The following NRXN3 variants were observed in gnomAD, a reference collection of about 807,000 sequenced individuals.
NRXN3 encodes the protein neurexin III.
A neutral mutation model predicts 137.6 loss-of-function variants in NRXN3; 32 were observed. The observed-to-expected ratio is 0.23, with a 90% CI of 0.18 to 0.31. The LOEUF is 0.31. Among genes scored for constraint, NRXN3 ranks in the 10% least tolerant of loss-of-function variants. The pLI is 1.00. For synonymous variants in NRXN3, 798 were observed against 784.5 expected (o/e 1.02, Z -0.29); for missense variants, 1,574 against 2,062.5 (o/e 0.76, Z 4.59).
Position 78,645,267 on chromosome 14 carries a change from C to T in NRXN3, c.905C>T (p.Ser302Leu). ...RNGLILHTGK[S>L]ADYVNLALKD... Reference sequence around the variant, plus strand: ...GGCCTCATCCTGCACACGGGCAAGTCGGCTGACTATGTCAACCTGGCTCTG... The same window carrying T: ...GGCCTCATCCTGCACACGGGCAAGTTGGCTGACTATGTCAACCTGGCTCTG... Residue 302 changes from serine to leucine, a missense_variant, in exon 5 of 21, where the codon TCG (serine) becomes TTG (leucine). Around this residue, in one of 5 missense-constraint regions of NRXN3, gnomAD observed 400 missense variants for 527.3 expected, o/e 0.76. Transcript: ENST00000335750. 10 of 1,598,878 alleles carry T rather than the reference C, an allele frequency of 6.3e-6. No individual in the cohort carries two copies. The highest frequency in any genetic ancestry group is 8.5e-6 in the Non-Finnish European group (10 of 1,179,818).
At chr14:78,355,756 A>G (rs1429182006) in intron 4 of NRXN3, among the ~76,000 whole-genome samples, 2 of 152,168 alleles carry the variant, frequency 1.3e-5, no homozygotes, top group Admixed American at 6.5e-5. Context: ...CTCTACCTAG[A>G]ATGCTTTTCC....
intron 16 of NRXN3, among the ~76,000 whole-genome samples, chr14:79,494,390 C>T (rs1210210690): frequency 6.6e-6 from 1 of 152,096 alleles, no homozygotes; most frequent in Non-Finnish European, 1.5e-5. Context: ...GTGAAAATTT[C>T]AAATAATCTC....
intron 15 of NRXN3, among the ~76,000 whole-genome samples, chr14:79,427,428 GCAAACACACACA>G (rs1282094137): frequency 3.3e-5 from 5 of 151,622 alleles, no homozygotes; most frequent in African/African-American, 1.2e-4. Context: ...AGTCTCCTTA[GCAAACACACACA>G]CAAACACACA....
At chr14:78,921,599 A>G (rs1350304104) in intron 10 of NRXN3, among the ~76,000 whole-genome samples, 1 of 152,184 alleles carries the variant, frequency 6.6e-6, no homozygotes, top group Non-Finnish European at 1.5e-5. Flanking sequence ...CATTATTCTT[A>G]TCAAAGCACA....
chr14:79,040,311 C>G (rs1275596554), intron 15 of NRXN3, among the ~76,000 whole-genome samples: 1 of 152,120 alleles, frequency 6.6e-6, no homozygotes, highest in East Asian at 1.9e-4. Context: ...TGAATAAAAG[C>G]TCTTAGAGTG....
chr14:79,459,408 G>C (rs2096297819), intron 15 of NRXN3, among the ~76,000 whole-genome samples: 1 of 152,000 alleles, frequency 6.6e-6, no homozygotes. Context: ...CAATAAGACT[G>C]ATGCTCTTAT....
intron 6 of NRXN3, among the ~76,000 whole-genome samples, chr14:78,664,431 A>G (rs973231317): frequency 5.9e-5 from 9 of 152,162 alleles, no homozygotes; most frequent in African/African-American, 2.2e-4. Context: ...AGCTAGAGAC[A>G]TACTCAAAAT....
intron 10 of NRXN3, among the ~76,000 whole-genome samples, chr14:78,847,265 C>G (rs1380669155): frequency 2.0e-5 from 3 of 152,024 alleles, no homozygotes; most frequent in Non-Finnish European, 4.4e-5. Context: ...CCTCCTAATT[C>G]TTAACTGTCT....
intron 4 of NRXN3, among the ~76,000 whole-genome samples, chr14:78,612,686 A>G (rs1396190163): frequency 1.3e-5 from 2 of 152,188 alleles, no homozygotes; most frequent in African/African-American, 4.8e-5. Flanking sequence ...TTTTTGAACT[A>G]GTCTGGTACT....
chr14:79,639,949 T>TCCC (rs1448941254), intron 16 of NRXN3, among the ~76,000 whole-genome samples: 2 of 79,930 alleles, frequency 2.5e-5, no homozygotes, highest in Admixed American at 1.7e-4. Context: ...CAAGAAGTGG[T>TCCC]TTCAGTATAT....
intron 16 of NRXN3, among the ~76,000 whole-genome samples, chr14:79,471,101 G>T (rs148088231): frequency 1.3e-5 from 2 of 151,756 alleles, no homozygotes; most frequent in South Asian, 2.1e-4. Flanking sequence ...CAACATTGTC[G>T]TTGGAATATT....
intron 15 of NRXN3, among the ~76,000 whole-genome samples, chr14:79,056,196 T>C (rs2099661955): frequency 6.6e-6 from 1 of 152,272 alleles, no homozygotes; most frequent in East Asian, 1.9e-4. Flanking sequence ...TGCATAGGAA[T>C]AGCTAACAGT....
At chr14:79,709,242 T>C (rs2154048815) in intron 19 of NRXN3, among the ~76,000 whole-genome samples, 1 of 152,310 alleles carries the variant, frequency 6.6e-6, no homozygotes, top group East Asian at 1.9e-4. Context: ...GGTTCCTTGC[T>C]GAGTAATCAT....
intron 16 of NRXN3, among the ~76,000 whole-genome samples, chr14:79,500,299 TAAAACAG>T (rs1243341862): frequency 7.8e-6 from 1 of 128,138 alleles, no homozygotes; most frequent in East Asian, 2.5e-4. Context: ...TTTACCCAAA[TAAAACAG>T]ATACCATTCA....
intron 15 of NRXN3, among the ~76,000 whole-genome samples, chr14:79,387,599 C>G (rs1383164959): frequency 6.6e-6 from 1 of 152,154 alleles, no homozygotes; most frequent in African/African-American, 2.4e-5. Flanking sequence ...CATCCCATTA[C>G]TGGGTATATA....
intron 15 of NRXN3, among the ~76,000 whole-genome samples, chr14:79,035,219 G>A (rs2099614114): frequency 6.6e-6 from 1 of 152,056 alleles, no homozygotes; most frequent in Non-Finnish European, 1.5e-5. Flanking sequence ...AGATAAATTT[G>A]ACAGAAAATA....
At position 78,686,828 on chromosome 14, in the gene NRXN3, A is replaced by G. The variant is rs139265523; in HGVS notation, c.1222-22389A>G. On this transcript the variant is annotated intron_variant, in intron 6 of 20. Coordinates refer to ENST00000335750, the MANE Select transcript of NRXN3 (RefSeq NM_001330195.2). ...AAGGTTTGCATAATTCCCTGTGTTC[A>G]CTTCTAGCTCACTGAATGTGACTTT... 9.4e-3 allele frequency among the ~76,000 whole-genome samples: 1,436 copies of G among 152,278 alleles called. 17 individuals are homozygous for G. Among genetic ancestry groups the G allele is most frequent in the African/African-American group, 0.032 (1,332 of 41,552 alleles).
At chr14:79,109,609 G>C (rs1404385443) in intron 15 of NRXN3, among the ~76,000 whole-genome samples, 4 of 152,024 alleles carry the variant, frequency 2.6e-5, no homozygotes, top group African/African-American at 7.2e-5. Context: ...GATCTTACTG[G>C]CCTGAGAGTC....
chr14:78,770,591 T>C (rs2098723881), intron 8 of NRXN3, among the ~76,000 whole-genome samples: 1 of 152,220 alleles, frequency 6.6e-6, no homozygotes, highest in South Asian at 2.1e-4. Context: ...AAAATGTGTT[T>C]TGGGAAGCTT....
Sources: allele counts gnomAD v4.1 joint callset (sites outside exome capture counted in the v4.1 genomes callset), GRCh38; gene constraint gnomAD v4.1.1; regional missense constraint gnomAD v4.1.1; transcripts MANE v1.5; gene names NCBI Gene and HGNC (gene_info 2026-07-23, HGNC 2026-07-21).